Variants in ACSM3 observed in about 807,000 individuals in gnomAD.
ACSM3 encodes acyl-coenzyme A synthetase ACSM3, mitochondrial.
In ACSM3, 61 loss-of-function variants were observed where a neutral mutation model predicts 74.1. That is an observed-to-expected ratio of 0.82 (90% confidence interval 0.67 to 1.02). ACSM3 has a LOEUF of 1.02. Ranked by LOEUF, ACSM3 falls within the 50% of genes least tolerant of loss-of-function variation. ACSM3 has a pLI of 0.00. For missense variants in ACSM3, 660 were observed against 697.0 expected, an observed-to-expected ratio of 0.95 and a Z score of 0.60; for synonymous variants, 213 against 241.5, an observed-to-expected ratio of 0.88 and a Z score of 1.09.
intron 1 of ACSM3, among the ~76,000 whole-genome samples, chr16:20,720,113 G>C (rs868639879): frequency 6.6e-5 from 10 of 152,292 alleles, no homozygotes; most frequent in Middle Eastern, 3.4e-3. Flanking sequence ...CAGCCTTTTT[G>C]GCGCTAGGGA....
rs372866878 is a variant in ACSM3 at position 20,730,336 on chromosome 16, T to G, written c.-189-19574T>G. On this transcript the variant is annotated intron_variant, in intron 1 of 3. Transcript: ENST00000561584. ...CAGAAACAAGGCAGATAGAAAATTGTGGCCAGTTTCCCAAACAAGTCTCAT... is the reference window on the plus strand; with the variant it reads ...CAGAAACAAGGCAGATAGAAAATTGGGGCCAGTTTCCCAAACAAGTCTCAT... 4.6e-5 allele frequency among the ~76,000 whole-genome samples: 7 copies of G among 152,232 alleles called. No homozygotes were observed. The East Asian group carries it at 1.3e-3, about 29-fold the overall frequency.
chr16:20,716,617 A>C (rs2079762630), intron 1 of ACSM3, among the ~76,000 whole-genome samples: 1 of 152,162 alleles, frequency 6.6e-6, no homozygotes, highest in Non-Finnish European at 1.5e-5. Context: ...TTACAGCTAC[A>C]CTTGATGCAC....
chr16:20,778,773 C>T (rs11646755), intron 4 of ACSM3, among the ~76,000 whole-genome samples: 20,201 of 151,338 alleles, frequency 0.13, 1,403 homozygotes, highest in East Asian at 0.21. Flanking sequence ...TTTTTTTAGA[C>T]GGAGTCTCAC....
intron 3 of ACSM3, among the ~76,000 whole-genome samples, chr16:20,758,935 C>T (rs555824170): frequency 9.1e-4 from 138 of 151,954 alleles, no homozygotes; most frequent in African/African-American, 3.0e-3. Flanking sequence ...TGTAGTTGAG[C>T]GGTTTTGAGT....
chr16:20,769,149 G>A (rs1244357861), intron 1 of ACSM3, among the ~76,000 whole-genome samples: 4 of 152,220 alleles, frequency 2.6e-5, no homozygotes, highest in Non-Finnish European at 5.9e-5. Context: ...TAATGATTAT[G>A]AGAGTAATAT....
intron 1 of ACSM3, among the ~76,000 whole-genome samples, chr16:20,766,002 T>C (rs1459265139): frequency 6.6e-6 from 1 of 152,238 alleles, no homozygotes; most frequent in Non-Finnish European, 1.5e-5. Flanking sequence ...TTCCCTCCTG[T>C]ATCCTCTATG....
intron 12 of ACSM3, among the ~76,000 whole-genome samples, chr16:20,793,962 G>A (rs1032155279): frequency 6.6e-6 from 1 of 152,196 alleles, no homozygotes; most frequent in African/African-American, 2.4e-5. Context: ...GTGGGTTGTG[G>A]TCCCCTCACA....
At chr16:20,726,013 G>A (rs2079804408) in intron 1 of ACSM3, among the ~76,000 whole-genome samples, 1 of 151,446 alleles carries the variant, frequency 6.6e-6, no homozygotes. Flanking sequence ...AATGTCTCCT[G>A]GGGGGCAAAA....
intron 1 of ACSM3, among the ~76,000 whole-genome samples, chr16:20,709,815 A>G (rs2079738831): frequency 6.6e-6 from 1 of 152,198 alleles, no homozygotes; most frequent in East Asian, 1.9e-4. Context: ...CTCACCAGGA[A>G]ATAAGTAGTT....
chr16:20,737,679 C>A, intron 1 of ACSM3: 1 of 1,578,004 alleles, frequency 6.3e-7, no homozygotes, highest in Non-Finnish European at 8.6e-7. Flanking sequence ...CCATTGAATG[C>A]CTATGGAAAA....
chr16:20,737,876 A>C, intron 1 of ACSM3: 1 of 1,613,952 alleles, frequency 6.2e-7, no homozygotes, highest in Non-Finnish European at 8.5e-7. Flanking sequence ...GAGATGGGTA[A>C]CATTCGCAAA....
At chr16:20,735,817 A>G (rs936957697) in intron 1 of ACSM3, 1 of 152,212 alleles carries the variant, frequency 6.6e-6, no homozygotes, top group African/African-American at 2.4e-5. Flanking sequence ...TTTTTGCATC[A>G]TATGACATAT....
In ACSM3 at chr16:20,785,107, G is replaced by A. The variant is rs758724882; in HGVS notation, c.1143G>A (p.Thr381=). The change falls in exon 8 of 14, where the codon ACG becomes ACA. Residue 381 remains threonine (T), a splice_region_variant and synonymous_variant. Coordinates refer to ENST00000289416, the MANE Select transcript of ACSM3 (RefSeq NM_005622.4). ...DIYEGYGQTE[T]VLICGNFKGM... The stretch of plus-strand genomic sequence containing the variant: ...ACGAAGGATATGGACAGACTGAAAC[G>A]GTACCTGACCTCACTGAAAAGACAT... 4.3e-6 allele frequency: 7 copies of A among 1,612,666 alleles called. No individual in the cohort carries two copies. Among genetic ancestry groups the A allele is most frequent in the East Asian group, 2.2e-5 (1 of 44,814 alleles).
At chr16:20,791,253 G>A (rs944089447) in intron 10 of ACSM3, among the ~76,000 whole-genome samples, 8 of 152,158 alleles carry the variant, frequency 5.3e-5, no homozygotes, top group Middle Eastern at 3.2e-3. Context: ...TGTCAGACTT[G>A]CAGAACCAAT....
chr16:20,789,032 G>A (rs1428759359), intron 9 of ACSM3, among the ~76,000 whole-genome samples: 2 of 152,130 alleles, frequency 1.3e-5, no homozygotes, highest in Non-Finnish European at 2.9e-5. Context: ...AAGGTATCTG[G>A]AGAATATATA....
chr16:20,766,825 G>T (rs935093468), intron 1 of ACSM3, among the ~76,000 whole-genome samples: 1 of 152,166 alleles, frequency 6.6e-6, no homozygotes, highest in African/African-American at 2.4e-5. Flanking sequence ...GCCCTTAAAA[G>T]GTACATTGTT....
chr16:20,778,039 T>C (rs1188383187), intron 4 of ACSM3, among the ~76,000 whole-genome samples: 1 of 152,208 alleles, frequency 6.6e-6, no homozygotes, highest in East Asian at 1.9e-4. Flanking sequence ...TCAAGACCTT[T>C]AACAAAGCCA....
intron 1 of ACSM3, among the ~76,000 whole-genome samples, chr16:20,767,798 A>C (rs2080144116): frequency 6.6e-6 from 1 of 152,226 alleles, no homozygotes; most frequent in South Asian, 2.1e-4. Context: ...CCATGGGTCA[A>C]ATCCAGCCCT....
chr16:20,797,061 CTG>C lies in ACSM3; in HGVS notation c.*92_*93del. 1 of 1,514,684 alleles carries C rather than the reference CTG, an allele frequency of 6.6e-7. No homozygotes were observed. Among genetic ancestry groups the C allele is most frequent in the Non-Finnish European group, 8.8e-7 (1 of 1,137,364 alleles). 93.8% of individuals were successfully genotyped at this position (1,514,684 alleles called of 1,614,324 possible). On this transcript the variant is annotated 3_prime_UTR_variant, in exon 14 of 14. Coordinates refer to ENST00000289416, the MANE Select transcript of ACSM3 (RefSeq NM_005622.4). Reference sequence around the variant, plus strand: ...CAAGATGATGGAGAGGTCATAAAAACTGTGGTAGTATGCTTAGAAACTGTTGA... The same window carrying C: ...CAAGATGATGGAGAGGTCATAAAAACTGGTAGTATGCTTAGAAACTGTTGA...
Sources: allele counts gnomAD v4.1 joint callset (sites outside exome capture counted in the v4.1 genomes callset), GRCh38; gene constraint gnomAD v4.1.1; transcripts MANE v1.5; gene names NCBI Gene and HGNC (gene_info 2026-07-23, HGNC 2026-07-21).